PALM: variants seen among roughly 807,000 people sequenced by gnomAD.
The protein encoded by PALM is paralemmin.
A neutral mutation model predicts 30.7 loss-of-function variants in PALM; 18 were observed. The observed-to-expected ratio is 0.59, with a 90% confidence interval of 0.41 to 0.87. The LOEUF is 0.87. PALM is among the 40% of genes least tolerant of loss of function. PALM has a pLI of 0.00. For missense variants in PALM, 529 were observed against 555.4 expected (o/e 0.95, Z 0.48); for synonymous variants, 286 against 242.8 (o/e 1.18, Z -1.66).
intron 1 of PALM, among the ~76,000 whole-genome samples, chr19:720,006 AC>A (rs1410833135): frequency 1.3e-5 from 2 of 150,928 alleles, no homozygotes; most frequent in Non-Finnish European, 3.0e-5. Flanking sequence ...GCGGGTCCAC[AC>A]CCCTCCCGGA....
At chr19:718,203 A>G (rs2238555) in intron 1 of PALM, among the ~76,000 whole-genome samples, 1 of 152,046 alleles carries the variant, frequency 6.6e-6, no homozygotes, top group African/African-American at 2.4e-5. Flanking sequence ...AAAGAAAAAG[A>G]TAAGTAAAGT....
intron 5 of PALM, among the ~76,000 whole-genome samples, chr19:731,523 A>G (rs139818228): frequency 1.1e-4 from 14 of 132,232 alleles, no homozygotes; most frequent in South Asian, 1.0e-3. Flanking sequence ...CAGGAGACCC[A>G]CCTGGGGGCA....
Position 746,201 on chromosome 19 carries a change from G to A in PALM, c.635-84G>A. ...TGGAGGAGGATACAAGCCTTGCCAAGGTTTCCCTCCTGCCTGAGCCAGGTC... is the reference window on the plus strand; with the variant it reads ...TGGAGGAGGATACAAGCCTTGCCAAAGTTTCCCTCCTGCCTGAGCCAGGTC... On this transcript the variant is annotated intron_variant, in intron 8 of 8. Coordinates refer to ENST00000338448, the MANE Select transcript of PALM (RefSeq NM_002579.3). This position sits in a 1 kb window ranked among gnomAD's most constrained non-coding sequence, Gnocchi z 7.1. The A allele has an allele frequency of 9.5e-7, 1 of 1,056,250 alleles. No individual in the cohort carries two copies. Among genetic ancestry groups the A allele is most frequent in the East Asian group, 2.4e-5 (1 of 42,046 alleles). The allele number at this position is 1,056,250 out of a possible 1,614,324, so 65.4% of individuals were successfully genotyped here.
chr19:720,157 C>G (rs935919980), intron 1 of PALM, among the ~76,000 whole-genome samples: 6 of 151,948 alleles, frequency 3.9e-5, no homozygotes, highest in Non-Finnish European at 8.8e-5. Context: ...CTCGGCCCCC[C>G]CCAATCCCCC....
chr19:740,408 G>T lies in PALM; in HGVS notation c.559G>T (p.Val187Leu), dbSNP rs903868288. The part of the protein sequence containing the change: ...EKDKVTGETR[V>L]LSSTTLLPRQ... ...GGACAAGGTGACAGGGGAGACCAGG[G>T]TGCTGTCCAGCACCACGCTGCTCCC... Residue 187 changes from valine (V) to leucine (L), a missense_variant, in exon 8 of 9, where the codon GTG (valine) becomes TTG (leucine). By Grantham distance (32) the Val-to-Leu change is conservative. Transcript: ENST00000338448. The T allele has an allele frequency of 6.4e-7, 1 of 1,557,386 alleles. No homozygotes were observed. The highest frequency in any genetic ancestry group is 8.7e-7 in the Non-Finnish European group (1 of 1,150,384).
intron 7 of PALM, among the ~76,000 whole-genome samples, chr19:736,472 C>T (rs942455894): frequency 2.0e-5 from 3 of 152,230 alleles, no homozygotes; most frequent in Non-Finnish European, 2.9e-5. Context: ...GGACTGGCTG[C>T]CCCGGGAGAA....
At chr19:719,969 C>T (rs1367604007) in intron 1 of PALM, among the ~76,000 whole-genome samples, 2 of 152,168 alleles carry the variant, frequency 1.3e-5, no homozygotes, top group Non-Finnish European at 2.9e-5. Context: ...GTTCTGTCGG[C>T]CTGACCTTGG....
intron 7 of PALM, among the ~76,000 whole-genome samples, chr19:738,322 C>G (rs533292270): frequency 6.6e-6 from 1 of 151,966 alleles, no homozygotes; most frequent in Non-Finnish European, 1.5e-5. Context: ...GTCAGGAGAT[C>G]GAGACCATCT....
At chr19:715,584 T>C (rs551232905) in intron 1 of PALM, among the ~76,000 whole-genome samples, 54 of 152,280 alleles carry the variant, frequency 3.5e-4, no homozygotes, top group African/African-American at 1.1e-3. Flanking sequence ...TGGGAAAGCA[T>C]TGGAAGAAGA....
At position 719,323 on chromosome 19, in the gene PALM, C is replaced by G. The variant is rs987268449; in HGVS notation, c.6-6815C>G. 53 of 985,388 alleles carry G rather than the reference C, an allele frequency of 5.4e-5. No homozygotes were observed. The African/African-American group carries it at 9.1e-4, about 17-fold the overall frequency. The allele number at this position is 985,388 out of a possible 1,614,324, so 61.0% of individuals were successfully genotyped here. On this transcript the variant is annotated intron_variant, in intron 1 of 8. Transcript: ENST00000338448. ...ACCGCGGAGGCCTCTGCGGGGCTCC[C>G]GTCGGGTTTGGGCCTCATGAACTCA...
chr19:744,542 A>G (rs1476561659), intron 8 of PALM, among the ~76,000 whole-genome samples: 2 of 152,210 alleles, frequency 1.3e-5, no homozygotes, highest in African/African-American at 2.4e-5. Flanking sequence ...TCAAGTTAGA[A>G]TGAATGAAAA....
At chr19:741,607 G>C (rs2033198753) in intron 8 of PALM, among the ~76,000 whole-genome samples, 1 of 151,936 alleles carries the variant, frequency 6.6e-6, no homozygotes, top group Non-Finnish European at 1.5e-5. Flanking sequence ...TTGAGGAGCT[G>C]GGCTCACGCA....
chr19:735,619 G>A (rs112149720), intron 6 of PALM, among the ~76,000 whole-genome samples: 49 of 17,120 alleles, frequency 2.9e-3, no homozygotes, highest in African/African-American at 9.0e-3. Context: ...GCCTGTCTGG[G>A]TGTCTGGGGG....
chr19:713,346 T>G (rs116351745), intron 1 of PALM, among the ~76,000 whole-genome samples: 2,587 of 151,628 alleles, frequency 0.017, 85 homozygotes, highest in African/African-American at 0.058. Context: ...GGAGAGGGGG[T>G]CCTGACTCCC....
chr19:737,771 G>A (rs1204780026), intron 7 of PALM, among the ~76,000 whole-genome samples: 1 of 152,170 alleles, frequency 6.6e-6, no homozygotes, highest in Non-Finnish European at 1.5e-5. Context: ...CCGTGTGGCT[G>A]GAGCAGCGTG....
At chr19:718,652 G>A (rs1008193300) in intron 1 of PALM, among the ~76,000 whole-genome samples, 2 of 152,096 alleles carry the variant, frequency 1.3e-5, no homozygotes, top group South Asian at 2.1e-4. Flanking sequence ...GCCGTAACCC[G>A]TTTAGGGTTC....
In PALM at chr19:726,996, C is replaced by CCCCCCA; in HGVS notation, c.58-10_58-9insCCCACC. The CCCCCCA allele has an allele frequency of 8.2e-6, 11 of 1,335,638 alleles. No individual in the cohort carries two copies. Among genetic ancestry groups the CCCCCCA allele is most frequent in the Non-Finnish European group, 1.1e-5 (11 of 961,954 alleles). 82.7% of individuals were successfully genotyped at this position (1,335,638 alleles called of 1,614,324 possible). A position where few individuals can be genotyped will look rare whatever the true frequency, so the allele number is the denominator to read the frequency against. ...CACGCCCATCCCTGACCCCACCCGG[C>CCCCCCA]CCTCCCCACAGGAGAAGCGGAAGCG... is the stretch of plus-strand genomic sequence containing the variant. On this transcript the variant is annotated splice_polypyrimidine_tract_variant and intron_variant, in intron 2 of 8. Transcript: ENST00000338448.
chr19:709,330 C>T lies in PALM; in HGVS notation c.5+179C>T, dbSNP rs1322066730. On this transcript the variant is annotated intron_variant, in intron 1 of 8. Coordinates refer to ENST00000338448, the MANE Select transcript of PALM (RefSeq NM_002579.3). The surrounding 1 kb of genome is among the most constrained non-coding windows in gnomAD (Gnocchi z 4.3). The stretch of plus-strand genomic sequence containing the variant: ...GGAAGAGACTCGGGCTGGGCCGCGC[C>T]TGCCGGGAGGCCTCCCCGCTCCCGG... Among the ~76,000 whole-genome samples the T allele has an allele frequency of 1.3e-5, 2 of 151,432 alleles. No homozygotes were observed. The highest frequency in any genetic ancestry group is 6.6e-5 in the Admixed American group (1 of 15,202).
In PALM at chr19:736,064, C is replaced by G; in HGVS notation, c.488C>G (p.Pro163Arg). 4 of 1,609,936 alleles carry G rather than the reference C, an allele frequency of 2.5e-6. No homozygotes were observed. The highest frequency in any genetic ancestry group is 1.7e-4 in the Middle Eastern group (1 of 6,050). The change falls in exon 7 of 9, where the codon CCC (proline) becomes CGC (arginine). Residue 163 changes from proline to arginine, a missense_variant. Coordinates refer to ENST00000338448, the MANE Select transcript of PALM (RefSeq NM_002579.3). Reference protein sequence around the residue: ...NTPLRTVDGSPMMKAAMYSVE... With the variant: ...NTPLRTVDGSRMMKAAMYSVE... The stretch of plus-strand genomic sequence containing the variant: ...CCCCTGAGGACGGTTGACGGCTCCC[C>G]CATGATGAAGGCAGGTGGGTTGGCC...
Sources: gnomAD v4.1 joint callset for allele counts (sites outside exome capture counted in the v4.1 genomes callset) on GRCh38, gnomAD v4.1.1 for gene constraint, Gnocchi (gnomAD v3.1) non-coding constraint, MANE v1.5 for transcripts, NCBI Gene and HGNC (gene_info 2026-07-23, HGNC 2026-07-21) for gene names.